Variants in ORC1 observed in about 807,000 individuals in gnomAD.
The protein encoded by ORC1 is origin recognition complex subunit 1, also known as origin recognition complex, subunit 1 homolog.
In ORC1, 61 loss-of-function variants were observed where a neutral mutation model predicts 98.9. That is an observed-to-expected ratio of 0.62 (90% CI 0.50 to 0.76). The LOEUF (loss-of-function observed/expected upper bound fraction) is 0.76. ORC1 is among the 30% of genes least tolerant of loss of function. ORC1 has a pLI of 0.00. For missense variants in ORC1, 979 were observed against 1,072.2 expected, an observed-to-expected ratio of 0.91 and a Z score of 1.21; for synonymous variants, 385 against 406.9, an observed-to-expected ratio of 0.95 and a Z score of 0.65.
At chr1:52,380,330 T>C (rs1188255490) in intron 14 of ORC1, among the ~76,000 whole-genome samples, 2 of 152,206 alleles carry the variant, frequency 1.3e-5, no homozygotes, top group East Asian at 3.9e-4. Context: ...TCTCTAACGA[T>C]GCAAGATAGA....
intron 14 of ORC1, among the ~76,000 whole-genome samples, chr1:52,379,513 G>A (rs987726178): frequency 1.3e-5 from 2 of 151,966 alleles, no homozygotes; most frequent in Non-Finnish European, 2.9e-5. Context: ...AAAGTGCTGG[G>A]ATTACAGGCG....
upstream of ORC1, chr1:52,408,817 T>C (rs1236441616): frequency 4.9e-6 from 6 of 1,227,836 alleles, no homozygotes; most frequent in Non-Finnish European, 3.4e-6. Flanking sequence ...ACTGTCTCTA[T>C]GCAGGTTTTC....
At chr1:52,408,685 A>G (rs779491095), upstream of ORC1, 10 of 1,614,026 alleles carry the variant, frequency 6.2e-6, no homozygotes, top group East Asian at 1.8e-4. Flanking sequence ...CAGAACCGAA[A>G]TGGGGGTAAG....
chr1:52,399,372 C>T (rs1469506175), intron 3 of ORC1, among the ~76,000 whole-genome samples: 2 of 152,110 alleles, frequency 1.3e-5, no homozygotes, highest in African/African-American at 4.8e-5. Flanking sequence ...CGCCTGTAAT[C>T]CCAGCACTTT....
chr1:52,389,617 T>C (rs539149749), intron 6 of ORC1, among the ~76,000 whole-genome samples: 4 of 152,334 alleles, frequency 2.6e-5, no homozygotes, highest in South Asian at 4.1e-4. Context: ...TGCTTGTCCT[T>C]TTTTGTTTCT....
chr1:52,398,575 A>T (rs1336908458), intron 3 of ORC1, among the ~76,000 whole-genome samples: 1 of 141,048 alleles, frequency 7.1e-6, no homozygotes, highest in African/African-American at 2.7e-5. Flanking sequence ...AACATGTGTT[A>T]TCTTTTATTT....
Position 52,373,076 on chromosome 1 carries a change from G to A in ORC1, c.*105C>T. The stretch of plus-strand genomic sequence containing the variant: ...AAGCCTGAGAAGTCAAGGCTGCAGT[G>A]AGCCATGATCGTGCCACTGCACTCC... On this transcript the variant is annotated 3_prime_UTR_variant, in exon 17 of 17. Coordinates refer to ENST00000371568, the MANE Select transcript of ORC1 (RefSeq NM_004153.4). 4 of 1,188,312 alleles carry A rather than the reference G, an allele frequency of 3.4e-6. No homozygotes were observed. Among genetic ancestry groups the A allele is most frequent in the Non-Finnish European group, 5.0e-6 (4 of 796,332 alleles). 73.6% of individuals were successfully genotyped at this position (1,188,312 alleles called of 1,614,324 possible).
chr1:52,376,871 A>G (rs780057419), intron 14 of ORC1, among the ~76,000 whole-genome samples: 2 of 152,150 alleles, frequency 1.3e-5, no homozygotes, highest in Non-Finnish European at 2.9e-5. Context: ...GGAACCTAAC[A>G]GGACATCCTG....
chr1:52,400,304 G>A (rs766273886), intron 3 of ORC1, among the ~76,000 whole-genome samples: 10 of 152,172 alleles, frequency 6.6e-5, no homozygotes, highest in Non-Finnish European at 1.2e-4. Flanking sequence ...GTACAGCACG[G>A]ATACACTGGA....
chr1:52,373,512 C>T lies in ORC1; in HGVS notation c.2392-137G>A, dbSNP rs1057271322. 3.2e-5 allele frequency: 24 copies of T among 739,546 alleles called. No individual in the cohort carries two copies. In the South Asian group the frequency reaches 3.4e-4, roughly 11 times the overall value. 45.8% of individuals were successfully genotyped at this position (739,546 alleles called of 1,614,324 possible). On this transcript the variant is annotated intron_variant, in intron 16 of 16. Coordinates refer to ENST00000371568, the MANE Select transcript of ORC1 (RefSeq NM_004153.4). The stretch of plus-strand genomic sequence containing the variant: ...ACACTCCAGAAGGCATCAGTTGGTG[C>T]CCCAGTGGTACACAAAATGCAGAGG...
chr1:52,375,164 A>G (rs1646978316), intron 15 of ORC1, among the ~76,000 whole-genome samples: 1 of 152,198 alleles, frequency 6.6e-6, no homozygotes, highest in African/African-American at 2.4e-5. Flanking sequence ...TGAGCTGAGC[A>G]CATCAATCAG....
intron 1 of ORC1, among the ~76,000 whole-genome samples, chr1:52,402,457 A>G (rs553183788): frequency 1.3e-5 from 2 of 152,356 alleles, no homozygotes; most frequent in Non-Finnish European, 2.9e-5. Flanking sequence ...ACTATGCCGT[A>G]TCTCTTTCCA....
chr1:52,398,411 G>A (rs1250571219), intron 3 of ORC1, among the ~76,000 whole-genome samples: 1 of 150,534 alleles, frequency 6.6e-6, no homozygotes, highest in African/African-American at 2.4e-5. Context: ...CCACAGGCCT[G>A]TGCCACCACG....
intron 6 of ORC1, among the ~76,000 whole-genome samples, chr1:52,389,875 A>G (rs1195986245): frequency 2.6e-5 from 4 of 152,222 alleles, no homozygotes; most frequent in Non-Finnish European, 5.9e-5. Context: ...AATGAGTCCT[A>G]GCCAGAGCAA....
intron 3 of ORC1, among the ~76,000 whole-genome samples, chr1:52,399,902 A>G (rs375520412): frequency 6.6e-6 from 1 of 152,048 alleles, no homozygotes; most frequent in South Asian, 2.1e-4. Context: ...CAGCTTTATT[A>G]TTACAGCATA....
chr1:52,408,599 G>A, upstream of ORC1: 1 of 1,614,180 alleles, frequency 6.2e-7, no homozygotes, highest in Non-Finnish European at 8.5e-7. Context: ...CACTTTACAT[G>A]AGGCTGACAG....
intron 14 of ORC1, among the ~76,000 whole-genome samples, chr1:52,379,411 T>C (rs951126291): frequency 2.6e-5 from 4 of 151,380 alleles, no homozygotes; most frequent in African/African-American, 7.3e-5. Flanking sequence ...GCCCGGCTAA[T>C]TTTTTGTATT....
At chr1:52,403,663 C>T (rs1379744876) in intron 1 of ORC1, among the ~76,000 whole-genome samples, 1 of 152,074 alleles carries the variant, frequency 6.6e-6, no homozygotes, top group Admixed American at 6.5e-5. Flanking sequence ...TCTTCAATTC[C>T]GGGGTTAGAA....
intron 6 of ORC1, among the ~76,000 whole-genome samples, chr1:52,390,112 C>G (rs1435216579): frequency 6.6e-6 from 1 of 152,190 alleles, no homozygotes; most frequent in African/African-American, 2.4e-5. Flanking sequence ...GACCACAATG[C>G]AAAAGCAATC....
Sources: allele counts gnomAD v4.1 joint callset (sites outside exome capture counted in the v4.1 genomes callset), GRCh38; gene constraint gnomAD v4.1.1; transcripts MANE v1.5; gene names NCBI Gene and HGNC (gene_info 2026-07-23, HGNC 2026-07-21).